The following EEPD1 variants were observed in gnomAD, a reference collection of about 807,000 sequenced individuals.
EEPD1 encodes endonuclease/exonuclease/phosphatase family domain-containing protein 1.
A neutral mutation model predicts 46.3 loss-of-function variants in EEPD1; 17 were observed. That is an observed-to-expected ratio of 0.37 (90% CI 0.25 to 0.55). The LOEUF (loss-of-function observed/expected upper bound fraction) is 0.55. EEPD1 is among the 20% of genes least tolerant of loss of function. EEPD1 has a pLI of 0.83. For synonymous variants in EEPD1, 313 were observed against 315.6 expected (o/e 0.99, Z 0.09); for missense variants, 673 against 745.6 (o/e 0.90, Z 1.13).
chr7:36,278,299 G>A (rs866987399), intron 3 of EEPD1, among the ~76,000 whole-genome samples: 8 of 152,192 alleles, frequency 5.3e-5, no homozygotes, highest in African/African-American at 1.9e-4. Context: ...GCCAGGGTGG[G>A]GTTTGGGTAT....
intron 2 of EEPD1, among the ~76,000 whole-genome samples, chr7:36,236,432 C>A (rs1485456272): frequency 6.6e-6 from 1 of 152,232 alleles, no homozygotes; most frequent in African/African-American, 2.4e-5. Context: ...ACCGCCGTTC[C>A]CTCTTCGCGG....
At chr7:36,181,969 A>T (rs578100525) in intron 2 of EEPD1, among the ~76,000 whole-genome samples, 182 of 152,320 alleles carry the variant, frequency 1.2e-3, no homozygotes, top group African/African-American at 4.0e-3. Flanking sequence ...CCCGGTTCCC[A>T]TCTGTTGCGT....
intron 2 of EEPD1, among the ~76,000 whole-genome samples, chr7:36,228,121 G>C (rs1786259388): frequency 6.6e-6 from 1 of 152,190 alleles, no homozygotes. Context: ...AATTTCCTCA[G>C]AAGTTAACCT....
intron 2 of EEPD1, among the ~76,000 whole-genome samples, chr7:36,214,564 C>T (rs1365273841): frequency 6.6e-6 from 1 of 152,206 alleles, no homozygotes; most frequent in Non-Finnish European, 1.5e-5. Context: ...TCGCATCTGC[C>T]TCTCCTGGGA....
rs1784754393 is a variant in EEPD1 at position 36,153,384 on chromosome 7, CGCCGCAAGCCCCGG to C, written c.-482_-469del. ...GGGGTAAACGCAACTGCGGCGGCGCCGCCGCAAGCCCCGGTGCAGCCTCGGCGGCGGGTTTCGCC... is the reference window on the plus strand; with the variant it reads ...GGGGTAAACGCAACTGCGGCGGCGCCTGCAGCCTCGGCGGCGGGTTTCGCC... On this transcript the variant is annotated 5_prime_UTR_variant, in exon 1 of 8. Coordinates refer to ENST00000242108, the MANE Select transcript of EEPD1 (RefSeq NM_030636.3). The C allele has an allele frequency of 6.6e-6, 1 of 152,174 alleles. No individual in the cohort carries two copies. The highest frequency in any genetic ancestry group is 1.5e-5 in the Non-Finnish European group (1 of 68,050). 9.4% of individuals were successfully genotyped at this position (152,174 alleles called of 1,614,324 possible). A position where few individuals can be genotyped will look rare whatever the true frequency, so the allele number is the denominator to read the frequency against.
At chr7:36,272,506 GTT>G (rs111825287) in intron 3 of EEPD1, among the ~76,000 whole-genome samples, 2 of 130,490 alleles carry the variant, frequency 1.5e-5, no homozygotes, top group Admixed American at 8.2e-5. Context: ...TTTTGTTGTT[GTT>G]TTTTTTTTTT....
rs1786972458 is a variant in EEPD1, at chr7:36,263,952, G to A, written c.931-17163G>A. Among the ~76,000 whole-genome samples, 3 of 152,194 alleles carry A rather than the reference G, an allele frequency of 2.0e-5. No individual in the cohort carries two copies. In the South Asian group the frequency reaches 6.2e-4, roughly 31 times the overall value. Reference sequence around the variant, plus strand: ...TTTTTATGCTTCATTTCAGGATGTGGCAGGGACATTTTTGATGGTTTCATT... The same window carrying A: ...TTTTTATGCTTCATTTCAGGATGTGACAGGGACATTTTTGATGGTTTCATT... On this transcript the variant is annotated intron_variant, in intron 3 of 7. Coordinates refer to ENST00000242108, the MANE Select transcript of EEPD1 (RefSeq NM_030636.3).
chr7:36,236,939 A>G (rs929859378), intron 2 of EEPD1, among the ~76,000 whole-genome samples: 2 of 152,212 alleles, frequency 1.3e-5, no homozygotes, highest in Non-Finnish European at 2.9e-5. Flanking sequence ...CCGCTCGCCT[A>G]CCATACCAGG....
chr7:36,169,158 T>C (rs1220232472), intron 2 of EEPD1, among the ~76,000 whole-genome samples: 1 of 152,254 alleles, frequency 6.6e-6, no homozygotes, highest in South Asian at 2.1e-4. Flanking sequence ...TTGGCTATTA[T>C]GTGAATAATG....
chr7:36,254,621 A>G (rs1157399150), intron 3 of EEPD1, among the ~76,000 whole-genome samples: 1 of 152,208 alleles, frequency 6.6e-6, no homozygotes, highest in Admixed American at 6.5e-5. Context: ...AGAATGGTTT[A>G]TAATCCTTTG....
intron 3 of EEPD1, among the ~76,000 whole-genome samples, chr7:36,271,966 T>C (rs1057451976): frequency 6.6e-6 from 1 of 151,692 alleles, no homozygotes; most frequent in Non-Finnish European, 1.5e-5. Flanking sequence ...ACTGCAGTCT[T>C]CACCTCCCAG....
chr7:36,236,715 T>A (rs1029659469), intron 2 of EEPD1, among the ~76,000 whole-genome samples: 1 of 152,124 alleles, frequency 6.6e-6, no homozygotes, highest in African/African-American at 2.4e-5. Context: ...CTTGGAGAAC[T>A]TTTCTGTCTA....
At chr7:36,198,861 TGGG>T (rs775256901) in intron 2 of EEPD1, among the ~76,000 whole-genome samples, 26 of 151,960 alleles carry the variant, frequency 1.7e-4, no homozygotes, top group Non-Finnish European at 3.4e-4. Context: ...CCACCTGTCT[TGGG>T]GGGCCCGATT....
chr7:36,214,323 T>C (rs1161155183), intron 2 of EEPD1, among the ~76,000 whole-genome samples: 1 of 152,110 alleles, frequency 6.6e-6, no homozygotes, highest in Admixed American at 6.5e-5. Context: ...GGGCTGACAT[T>C]TGGTTTTTCA....
chr7:36,160,676 T>TGGTGG (rs1554308582), intron 2 of EEPD1, among the ~76,000 whole-genome samples: 4 of 36,552 alleles, frequency 1.1e-4, no homozygotes, highest in South Asian at 8.7e-4. Flanking sequence ...TGGGAGGTGG[T>TGGTGG]GGGGGGCGGG....
chr7:36,298,874 A>G (rs1787569226), intron 7 of EEPD1, 133 bp from the exon 8 acceptor site: 2 of 976,904 alleles, frequency 2.0e-6, no homozygotes, highest in Non-Finnish European at 3.1e-6. Context: ...GGCACCTTCC[A>G]GCTACCTGAG....
At chr7:36,208,269 T>A (rs1785859864) in intron 2 of EEPD1, among the ~76,000 whole-genome samples, 1 of 152,208 alleles carries the variant, frequency 6.6e-6, no homozygotes, top group Non-Finnish European at 1.5e-5. Flanking sequence ...TGACAAATTT[T>A]CAAACCAGGA....
intron 2 of EEPD1, among the ~76,000 whole-genome samples, chr7:36,236,665 G>A (rs765470310): frequency 6.6e-6 from 1 of 152,140 alleles, no homozygotes; most frequent in South Asian, 2.1e-4. Flanking sequence ...GTTTGTAAAC[G>A]CACCAATCAG....
intron 2 of EEPD1, among the ~76,000 whole-genome samples, chr7:36,179,583 A>G (rs2700921): frequency 0.98 from 147,728 of 151,304 alleles, 72,214 homozygotes; most frequent in East Asian, 1. Context: ...AAAAGAGGCC[A>G]GGTGTGGTGG....
Sources: allele counts gnomAD v4.1 joint callset (sites outside exome capture counted in the v4.1 genomes callset), GRCh38; gene constraint gnomAD v4.1.1; transcripts MANE v1.5; gene names NCBI Gene and HGNC (gene_info 2026-07-23, HGNC 2026-07-21).